Variants in SPECC1 observed in about 807,000 individuals in gnomAD.
The protein encoded by SPECC1 is sperm antigen with calponin homology and coiled-coil domains 1, also known as cytospin-B.
SPECC1 carries 62 observed loss-of-function variants against 104.1 expected under a neutral mutation model. That is an observed-to-expected ratio of 0.60 (90% confidence interval 0.49 to 0.74). SPECC1 has a LOEUF of 0.74. Among genes scored for constraint, SPECC1 ranks in the 30% least tolerant of loss-of-function variants. The probability of loss-of-function intolerance (pLI) is 0.00; values close to 1 mark genes in which losing one functional copy is unlikely to be tolerated. For synonymous variants in SPECC1, 513 were observed against 501.6 expected, an observed-to-expected ratio of 1.02 and a Z score of -0.30; for missense variants, 1,306 against 1,310.5, an observed-to-expected ratio of 1.00 and a Z score of 0.05.
At chr17:20,141,069 C>T (rs1039500309) in intron 3 of SPECC1, among the ~76,000 whole-genome samples, 2 of 152,204 alleles carry the variant, frequency 1.3e-5, no homozygotes, top group Non-Finnish European at 2.9e-5. Flanking sequence ...TCCCTGCTGC[C>T]CCCTTCTCTC....
chr17:20,250,903 A>T (rs2039600522), intron 9 of SPECC1, among the ~76,000 whole-genome samples: 2 of 152,032 alleles, frequency 1.3e-5, no homozygotes, highest in South Asian at 4.2e-4. Flanking sequence ...AGCCAACCAG[A>T]GTAATTCACC....
intron 1 of SPECC1, among the ~76,000 whole-genome samples, chr17:20,081,627 G>A (rs2046977740): frequency 1.3e-5 from 2 of 152,082 alleles, no homozygotes; most frequent in African/African-American, 4.8e-5. Flanking sequence ...AGAGGGCTGA[G>A]GAGAGGATGG....
intron 13 of SPECC1, among the ~76,000 whole-genome samples, chr17:20,300,639 C>T (rs2041544956): frequency 6.6e-6 from 1 of 152,252 alleles, no homozygotes; most frequent in Non-Finnish European, 1.5e-5. Context: ...CCTCCTGGGC[C>T]AGAGCCCCTG....
intron 3 of SPECC1, among the ~76,000 whole-genome samples, chr17:20,116,277 A>T (rs2048751330): frequency 6.6e-6 from 1 of 151,828 alleles, no homozygotes; most frequent in Non-Finnish European, 1.5e-5. Flanking sequence ...TTTAGTAGAG[A>T]TGGGGTTTCA....
intron 1 of SPECC1, among the ~76,000 whole-genome samples, chr17:20,072,758 G>A (rs1384395107): frequency 6.6e-6 from 1 of 152,210 alleles, no homozygotes; most frequent in East Asian, 1.9e-4. Flanking sequence ...GAGCAGACTG[G>A]CTGCCTTCCA....
chr17:20,123,621 C>T (rs1043674573), intron 3 of SPECC1, among the ~76,000 whole-genome samples: 13 of 152,182 alleles, frequency 8.5e-5, no homozygotes, highest in Non-Finnish European at 1.5e-4. Context: ...TGTGAAGAAG[C>T]GAAAGCTCCA....
chr17:20,292,430 A>G (rs1200618191), intron 12 of SPECC1, among the ~76,000 whole-genome samples: 1 of 151,928 alleles, frequency 6.6e-6, no homozygotes, highest in African/African-American at 2.4e-5. Flanking sequence ...TCCCAGGTTC[A>G]AGCAATTCTC....
intron 3 of SPECC1, among the ~76,000 whole-genome samples, chr17:20,137,919 C>T (rs2030224912): frequency 6.6e-6 from 1 of 152,096 alleles, no homozygotes; most frequent in Non-Finnish European, 1.5e-5. Context: ...CGCCCTTCCA[C>T]CTCCCAAAGT....
intron 1 of SPECC1, among the ~76,000 whole-genome samples, chr17:20,028,292 G>T (rs2044678228): frequency 6.6e-6 from 1 of 151,034 alleles, no homozygotes; most frequent in African/African-American, 2.4e-5. Flanking sequence ...GTGACTATCT[G>T]ATCATCCCAG....
At chr17:20,172,440 G>A (rs986147157) in intron 3 of SPECC1, among the ~76,000 whole-genome samples, 2 of 152,214 alleles carry the variant, frequency 1.3e-5, no homozygotes, top group African/African-American at 4.8e-5. Flanking sequence ...TCTCAGTCCA[G>A]TGTCACCTCT....
At chr17:20,173,886 T>A (rs1222032530) in intron 3 of SPECC1, among the ~76,000 whole-genome samples, 1 of 152,292 alleles carries the variant, frequency 6.6e-6, no homozygotes, top group Non-Finnish European at 1.5e-5. Context: ...TTGCAAACAT[T>A]TATTTACCTA....
chr17:20,262,722 G>A (rs936289660), intron 12 of SPECC1, among the ~76,000 whole-genome samples: 3 of 152,128 alleles, frequency 2.0e-5, no homozygotes, highest in African/African-American at 7.2e-5. Context: ...AAGCTAGCAA[G>A]AAAAACCCAG....
chr17:20,120,308 C>T (rs1355404184), intron 3 of SPECC1, among the ~76,000 whole-genome samples: 1 of 151,084 alleles, frequency 6.6e-6, no homozygotes. Flanking sequence ...ATCTCTTGAA[C>T]CTGGGAGGTG....
At chr17:20,122,630 C>G (rs1236818241) in intron 3 of SPECC1, among the ~76,000 whole-genome samples, 1 of 152,188 alleles carries the variant, frequency 6.6e-6, no homozygotes, top group Admixed American at 6.5e-5. Context: ...ATTAAACACT[C>G]GCTTCCCATT....
At chr17:20,303,043 A>G (rs1162078512) in intron 13 of SPECC1, among the ~76,000 whole-genome samples, 1 of 152,164 alleles carries the variant, frequency 6.6e-6, no homozygotes, top group Non-Finnish European at 1.5e-5. Flanking sequence ...AGCCTGATAC[A>G]TTTGGCAGAG....
At chr17:20,035,602 G>C (rs1221760964) in intron 1 of SPECC1, among the ~76,000 whole-genome samples, 1 of 151,994 alleles carries the variant, frequency 6.6e-6, no homozygotes, top group Non-Finnish European at 1.5e-5. Context: ...CTAGTACATA[G>C]AGATACAATT....
At chr17:20,216,928 G>A (rs1268812453) in intron 4 of SPECC1, among the ~76,000 whole-genome samples, 3 of 152,008 alleles carry the variant, frequency 2.0e-5, no homozygotes, top group African/African-American at 7.3e-5. Flanking sequence ...GAGGGCTGAG[G>A]CAGGAGGATC....
chr17:20,188,588 ATATACT>A (rs560717447), intron 3 of SPECC1, among the ~76,000 whole-genome samples: 79 of 152,186 alleles, frequency 5.2e-4, no homozygotes, highest in African/African-American at 1.8e-3. Context: ...GTATTAGAAG[ATATACT>A]TATGATGTGA....
intron 1 of SPECC1, among the ~76,000 whole-genome samples, chr17:20,086,090 A>G (rs2047166093): frequency 6.6e-6 from 1 of 152,136 alleles, no homozygotes; most frequent in African/African-American, 2.4e-5. Flanking sequence ...TGCTGCCATC[A>G]TGTCCATGAC....
Sources: gnomAD v4.1 joint callset for allele counts (sites outside exome capture counted in the v4.1 genomes callset) on GRCh38, gnomAD v4.1.1 for gene constraint, MANE v1.5 for transcripts, NCBI Gene and HGNC (gene_info 2026-07-23, HGNC 2026-07-21) for gene names.